The following PTK2 variants were observed in gnomAD, a reference collection of about 807,000 sequenced individuals.
The protein encoded by PTK2 is protein tyrosine kinase 2.
Under a neutral mutation model 150.1 loss-of-function variants are expected in PTK2, and 45 were observed. The ratio of observed to expected loss-of-function variants is 0.30; its 90% CI spans 0.24 to 0.38. The LOEUF is 0.38. Among genes scored for constraint, PTK2 ranks in the 10% least tolerant of loss-of-function variants. The pLI is 1.00. For synonymous variants in PTK2, 432 were observed against 449.2 expected, an observed-to-expected ratio of 0.96 and a Z score of 0.48; for missense variants, 919 against 1,307.3, an observed-to-expected ratio of 0.70 and a Z score of 4.58.
intron 1 of PTK2, among the ~76,000 whole-genome samples, chr8:140,982,399 C>A (rs1441201575): frequency 6.6e-6 from 1 of 152,206 alleles, no homozygotes; most frequent in African/African-American, 2.4e-5. Flanking sequence ...GAGTTCGAGA[C>A]CAGCCTGACC....
chr8:140,719,043 G>A (rs1056889315), intron 22 of PTK2, among the ~76,000 whole-genome samples: 2 of 152,036 alleles, frequency 1.3e-5, no homozygotes, highest in African/African-American at 4.8e-5. Flanking sequence ...CGGTGTGGTG[G>A]CGCGTGCCTG....
At chr8:140,795,180 C>G (rs539977325) in intron 12 of PTK2, among the ~76,000 whole-genome samples, 1 of 152,318 alleles carries the variant, frequency 6.6e-6, no homozygotes, top group African/African-American at 2.4e-5. Context: ...CCCAGGCCAA[C>G]CTACCATGGT....
At chr8:140,692,343 G>A (rs1362716292) in intron 26 of PTK2, among the ~76,000 whole-genome samples, 1 of 152,200 alleles carries the variant, frequency 6.6e-6, no homozygotes, top group Non-Finnish European at 1.5e-5. Context: ...TCAGCCAGGT[G>A]CAGTGGCTAA....
At chr8:140,728,282 G>A (rs755002678) in intron 22 of PTK2, among the ~76,000 whole-genome samples, 2 of 151,908 alleles carry the variant, frequency 1.3e-5, no homozygotes, top group Non-Finnish European at 2.9e-5. Flanking sequence ...TTCAAAGTGA[G>A]ATCTGTCATT....
intron 2 of PTK2, 93 bp from the exon 3 acceptor site, chr8:140,890,862 T>A: frequency 9.4e-7 from 1 of 1,063,450 alleles, no homozygotes; most frequent in African/African-American, 1.6e-5. Flanking sequence ...TCCTATACTC[T>A]CTCTTGATAT....
intron 23 of PTK2, among the ~76,000 whole-genome samples, chr8:140,707,929 T>TAGAA (rs1314274692): frequency 6.6e-6 from 1 of 152,186 alleles, no homozygotes; most frequent in Non-Finnish European, 1.5e-5. Flanking sequence ...ACTGACTGGC[T>TAGAA]TCTAGTTCCT....
intron 22 of PTK2, among the ~76,000 whole-genome samples, chr8:140,727,565 CA>C (rs1271257703): frequency 6.7e-6 from 1 of 149,918 alleles, no homozygotes; most frequent in East Asian, 1.9e-4. Context: ...ATTTTGGAAG[CA>C]AATACAAAAT....
chr8:140,936,801 T>C (rs1231086144), intron 1 of PTK2, among the ~76,000 whole-genome samples: 2 of 152,142 alleles, frequency 1.3e-5, no homozygotes, highest in African/African-American at 4.8e-5. Flanking sequence ...GTTTTAAATA[T>C]AAAAATTACC....
intron 5 of PTK2, among the ~76,000 whole-genome samples, chr8:140,861,392 T>C (rs1567719817): frequency 6.6e-6 from 1 of 152,080 alleles, no homozygotes; most frequent in Non-Finnish European, 1.5e-5. Context: ...AAATGTACCA[T>C]ATAATTTAAC....
At chr8:140,710,730 G>A (rs986271401) in intron 23 of PTK2, among the ~76,000 whole-genome samples, 1 of 152,152 alleles carries the variant, frequency 6.6e-6, no homozygotes, top group African/African-American at 2.4e-5. Context: ...AGGTATGTAG[G>A]TTATATGCAA....
intron 10 of PTK2, among the ~76,000 whole-genome samples, chr8:140,808,750 T>C (rs1261523802): frequency 6.7e-6 from 1 of 148,424 alleles, no homozygotes; most frequent in East Asian, 1.9e-4. Flanking sequence ...TTTTTTTTTT[T>C]TTTGAGATGG....
At chr8:140,708,891 G>C (rs1033440584) in intron 23 of PTK2, among the ~76,000 whole-genome samples, 4 of 151,662 alleles carry the variant, frequency 2.6e-5, no homozygotes, top group Non-Finnish European at 4.4e-5. Flanking sequence ...TCCAAGAATG[G>C]AAGGAGGCAG....
intron 5 of PTK2, among the ~76,000 whole-genome samples, chr8:140,856,455 A>G (rs1403483659): frequency 1.3e-5 from 2 of 152,256 alleles, no homozygotes; most frequent in African/African-American, 4.8e-5. Context: ...ATATATTTAT[A>G]TAACAGAATA....
exon 12 of PTK2, chr8:140,800,537 T>C: frequency 6.2e-7 from 1 of 1,613,838 alleles, no homozygotes; most frequent in Non-Finnish European, 8.5e-7. Context: ...TCAGCCATAT[T>C]CTCCGCAATG....
At chr8:140,876,476 A>G (rs998527571) in intron 4 of PTK2, among the ~76,000 whole-genome samples, 1 of 152,184 alleles carries the variant, frequency 6.6e-6, no homozygotes, top group Admixed American at 6.5e-5. Flanking sequence ...TGGTACAACA[A>G]TATTTTACTA....
intron 4 of PTK2, among the ~76,000 whole-genome samples, chr8:140,873,119 AAG>A (rs2100143473): frequency 6.6e-6 from 1 of 152,238 alleles, no homozygotes; most frequent in African/African-American, 2.4e-5. Flanking sequence ...GAGTCTCTGA[AAG>A]AGAGAACTTG....
chr8:140,969,799 T>C (rs1409387667), intron 1 of PTK2, among the ~76,000 whole-genome samples: 2 of 152,224 alleles, frequency 1.3e-5, no homozygotes, highest in African/African-American at 2.4e-5. Context: ...AGTTGCCTGG[T>C]TGTTGTGCTA....
intron 14 of PTK2, among the ~76,000 whole-genome samples, chr8:140,764,710 A>C (rs955665556): frequency 1.3e-5 from 2 of 152,238 alleles, no homozygotes; most frequent in African/African-American, 2.4e-5. Context: ...TGATTTTATT[A>C]ACAATTAGAC....
chr8:140,676,556 C>G (rs117391868), intron 27 of PTK2, among the ~76,000 whole-genome samples: 1 of 143,924 alleles, frequency 6.9e-6, no homozygotes, highest in South Asian at 2.2e-4. Context: ...TATACACATA[C>G]GTAAGAATGT....
Sources: gnomAD v4.1 joint callset for allele counts (sites outside exome capture counted in the v4.1 genomes callset) on GRCh38, gnomAD v4.1.1 for gene constraint, MANE v1.5 for transcripts, NCBI Gene and HGNC (gene_info 2026-07-23, HGNC 2026-07-21) for gene names.